The following ADAMTS6 variants were observed in gnomAD, a reference collection of about 807,000 sequenced individuals.
The protein encoded by ADAMTS6 is ADAM metallopeptidase with thrombospondin type 1 motif 6.
Under a neutral mutation model 144.3 loss-of-function variants are expected in ADAMTS6, and 23 were observed. That is an observed-to-expected ratio of 0.16 (90% confidence interval 0.11 to 0.23). The LOEUF (loss-of-function observed/expected upper bound fraction) is 0.23, where lower values mean the gene tolerates loss of function less well. Among genes scored for constraint, ADAMTS6 ranks in the 10% least tolerant of loss-of-function variants. The pLI, the probability that ADAMTS6 is intolerant of heterozygous loss-of-function variation, is 1.00. For synonymous variants in ADAMTS6, 444 were observed against 457.5 expected, an observed-to-expected ratio of 0.97 and a Z score of 0.38; for missense variants, 999 against 1,379.6, an observed-to-expected ratio of 0.72 and a Z score of 4.37.
At chr5:65,340,965 G>A (rs538940084) in intron 7 of ADAMTS6, among the ~76,000 whole-genome samples, 22 of 151,942 alleles carry the variant, frequency 1.4e-4, no homozygotes, top group Admixed American at 8.5e-4. Context: ...GATCTAAAGA[G>A]AGAGATAGGC....
At chr5:65,296,807 G>A (rs1431540105) in intron 10 of ADAMTS6, among the ~76,000 whole-genome samples, 1 of 152,158 alleles carries the variant, frequency 6.6e-6, no homozygotes. Flanking sequence ...GGAACTGTAG[G>A]AAATTTTGCT....
At chr5:65,297,156 T>A in intron 10 of ADAMTS6, 1 of 452,934 alleles carries the variant, frequency 2.2e-6, no homozygotes, top group Non-Finnish European at 4.4e-6. Flanking sequence ...AACACGTCCA[T>A]TTTAACGGAA....
intron 18 of ADAMTS6, among the ~76,000 whole-genome samples, chr5:65,220,785 T>C (rs1326179967): frequency 6.6e-6 from 1 of 151,624 alleles, no homozygotes; most frequent in Non-Finnish European, 1.5e-5. Flanking sequence ...TAATGCAAAA[T>C]AGACAAACAA....
intron 4 of ADAMTS6, among the ~76,000 whole-genome samples, chr5:65,458,451 A>G (rs1759393185): frequency 2.0e-5 from 3 of 152,158 alleles, no homozygotes; most frequent in Non-Finnish European, 4.4e-5. Flanking sequence ...TCACTCTGTC[A>G]CCCTGGCTGG....
intron 21 of ADAMTS6, among the ~76,000 whole-genome samples, chr5:65,190,014 T>G (rs1447007152): frequency 6.6e-6 from 1 of 152,186 alleles, no homozygotes; most frequent in Non-Finnish European, 1.5e-5. Context: ...TTGTGCCAGT[T>G]TTGTATACGG....
At chr5:65,433,598 C>A (rs569904653) in intron 7 of ADAMTS6, among the ~76,000 whole-genome samples, 5 of 152,100 alleles carry the variant, frequency 3.3e-5, no homozygotes, top group African/African-American at 1.2e-4. Flanking sequence ...AAGTACCTTA[C>A]ATATTTCTTG....
chr5:65,289,243 T>A (rs1033226573), intron 11 of ADAMTS6, among the ~76,000 whole-genome samples: 26 of 152,058 alleles, frequency 1.7e-4, no homozygotes, highest in South Asian at 2.1e-4. Flanking sequence ...ATATTAAGAA[T>A]ATAAAGGCAA....
At chr5:65,341,223 G>C (rs1005004421) in intron 7 of ADAMTS6, among the ~76,000 whole-genome samples, 2 of 151,044 alleles carry the variant, frequency 1.3e-5, no homozygotes, top group Non-Finnish European at 3.0e-5. Context: ...TAAGAGGAAA[G>C]CTTATAGCAA....
chr5:65,179,715 C>T (rs1754216748), intron 22 of ADAMTS6, among the ~76,000 whole-genome samples: 1 of 152,090 alleles, frequency 6.6e-6, no homozygotes, highest in Non-Finnish European at 1.5e-5. Context: ...TAGTCTCTAC[C>T]CTCAAGGAGC....
chr5:65,414,117 T>C (rs375062098), intron 7 of ADAMTS6, among the ~76,000 whole-genome samples: 3 of 152,128 alleles, frequency 2.0e-5, no homozygotes, highest in Admixed American at 2.0e-4. Flanking sequence ...CGGGAATCCA[T>C]GAGGAATCTG....
rs565178566 is a variant in ADAMTS6, at chr5:65,241,059, T to C, written c.1933+1045A>G. On this transcript the variant is annotated intron_variant, in intron 15 of 24. Transcript: ENST00000381055. The stretch of plus-strand genomic sequence containing the variant: ...CTTTGAAATACATCAAAAAGTACGA[T>C]GGATTAATAAATGGATAGGGAGAAG... 4.6e-5 allele frequency among the ~76,000 whole-genome samples: 7 copies of C among 152,094 alleles called. No homozygotes were observed. The South Asian group carries it at 1.2e-3, about 27-fold the overall frequency.
At chr5:65,174,371 G>A (rs1438884345) in intron 22 of ADAMTS6, among the ~76,000 whole-genome samples, 1 of 152,206 alleles carries the variant, frequency 6.6e-6, no homozygotes, top group East Asian at 1.9e-4. Flanking sequence ...GCTTAGGCCT[G>A]CCCTGTGGAG....
At chr5:65,443,057 AT>A (rs1757991232) in intron 7 of ADAMTS6, among the ~76,000 whole-genome samples, 1 of 151,950 alleles carries the variant, frequency 6.6e-6, no homozygotes, top group African/African-American at 2.4e-5. Flanking sequence ...TAGGTACCAC[AT>A]TTTCTTTATC....
chr5:65,262,818 C>T lies in ADAMTS6; in HGVS notation c.1765G>A (p.Ala589Thr). The change falls in exon 13 of 25, where the codon GCA becomes ACA. Residue 589 changes from alanine to threonine, a missense_variant and splice_region_variant. Ala to Thr is a moderately conservative substitution (Grantham distance 58). Around this residue, in one of 3 missense-constraint regions of ADAMTS6, gnomAD observed 619 missense variants for 837.0 expected, o/e 0.74. Transcript: ENST00000381055. ...SSSLRHCDSP[A>T]PSGGGKYCLG... ...CTCCGGCTTACTTTAGCTACTTACG[C>T]TGGACTGTCACAGTGTCTTAGGGAT... The T allele has an allele frequency of 6.6e-7, 1 of 1,512,058 alleles. No homozygotes were observed. The highest frequency in any genetic ancestry group is 1.4e-5 in the African/African-American group (1 of 70,152). The allele number at this position is 1,512,058 out of a possible 1,614,324, so 93.7% of individuals were successfully genotyped here. A position where few individuals can be genotyped will look rare whatever the true frequency, so the allele number is the denominator to read the frequency against.
intron 11 of ADAMTS6, among the ~76,000 whole-genome samples, chr5:65,277,123 G>A (rs955877967): frequency 6.6e-6 from 1 of 152,124 alleles, no homozygotes; most frequent in Admixed American, 6.6e-5. Flanking sequence ...TCTGTTATAT[G>A]ACACTGTAAA....
At chr5:65,453,545 T>C (rs1758925206) in intron 4 of ADAMTS6, among the ~76,000 whole-genome samples, 1 of 152,218 alleles carries the variant, frequency 6.6e-6, no homozygotes, top group Non-Finnish European at 1.5e-5. Flanking sequence ...AGACATTCAA[T>C]TATAGTTGAA....
intron 7 of ADAMTS6, among the ~76,000 whole-genome samples, chr5:65,433,120 A>G (rs549635543): frequency 6.6e-6 from 1 of 152,146 alleles, no homozygotes; most frequent in African/African-American, 2.4e-5. Flanking sequence ...TCCCTATTCA[A>G]CTTTCAGATC....
chr5:65,352,070 G>T (rs1352933718), intron 7 of ADAMTS6, among the ~76,000 whole-genome samples: 1 of 152,176 alleles, frequency 6.6e-6, no homozygotes, highest in East Asian at 1.9e-4. Context: ...TAATCTCGAT[G>T]TTCTATGCTC....
chr5:65,390,630 T>C (rs1243738998), intron 7 of ADAMTS6, among the ~76,000 whole-genome samples: 1 of 152,222 alleles, frequency 6.6e-6, no homozygotes, highest in Non-Finnish European at 1.5e-5. Flanking sequence ...AGGTCCTTTT[T>C]TCATACTGTA....
Sources: allele counts gnomAD v4.1 joint callset (sites outside exome capture counted in the v4.1 genomes callset), GRCh38; gene constraint gnomAD v4.1.1; regional missense constraint gnomAD v4.1.1; transcripts MANE v1.5; gene names NCBI Gene and HGNC (gene_info 2026-07-23, HGNC 2026-07-21).